PTCRA: variants seen among roughly 807,000 people sequenced by gnomAD.
PTCRA encodes pre T-cell antigen receptor alpha.
PTCRA carries 9 observed loss-of-function variants against 13.4 expected under a neutral mutation model. That is an observed-to-expected ratio of 0.67 (90% confidence interval 0.41 to 1.18). PTCRA has a LOEUF of 1.18. Among genes scored for constraint, PTCRA ranks in the 50% most tolerant of loss-of-function variants. The pLI, the probability that PTCRA is intolerant of heterozygous loss-of-function variation, is 0.01. For synonymous variants in PTCRA, 153 were observed against 161.9 expected (o/e 0.94, Z 0.42); for missense variants, 353 against 359.8 (o/e 0.98, Z 0.15).
At chr6:42,924,672 A>G (rs1328996513) in intron 3 of PTCRA, among the ~76,000 whole-genome samples, 2 of 152,066 alleles carry the variant, frequency 1.3e-5, no homozygotes, top group Admixed American at 1.3e-4. Flanking sequence ...CTGCTTCCCG[A>G]CCAAATAGAG....
intron 1 of PTCRA, 62 bp downstream of exon 1, chr6:42,916,189 C>T: frequency 6.8e-7 from 1 of 1,481,122 alleles, no homozygotes; most frequent in East Asian, 2.3e-5. Flanking sequence ...CATCCCCTCA[C>T]TCTGGACCTC....
rs370023516 is a variant in PTCRA at position 42,916,157 on chromosome 6, C to A, written c.58+30C>A. On this transcript the variant is annotated intron_variant, in intron 1 of 3. Coordinates refer to ENST00000304672, the MANE Select transcript of PTCRA (RefSeq NM_138296.3). ...GCCCCCTCTTTGCCTTCCTCTCTGTCCCTCCTCAGTCTGCCGAAGCCCATC... is the reference window on the plus strand; with the variant it reads ...GCCCCCTCTTTGCCTTCCTCTCTGTACCTCCTCAGTCTGCCGAAGCCCATC... 2.3e-5 allele frequency: 37 copies of A among 1,607,612 alleles called. No individual in the cohort carries two copies. The African/African-American group carries it at 4.3e-4, about 19-fold the overall frequency.
Position 42,922,911 on chromosome 6 carries a change from T to C in PTCRA, c.59-116T>C, listed in dbSNP as rs369753574. 4.4e-4 allele frequency: 416 copies of C among 940,332 alleles called. 5 individuals are homozygous for C. The South Asian group carries it at 5.3e-3, about 12-fold the overall frequency. 58.2% of individuals were successfully genotyped at this position (940,332 alleles called of 1,614,324 possible). A position where few individuals can be genotyped will look rare whatever the true frequency, so the allele number is the denominator to read the frequency against. Reference sequence around the variant, plus strand: ...GTGGCTAGAAGGACATGTAGATGGATGGTGGAAGGATGGATGGATGGAAAG... The same window carrying C: ...GTGGCTAGAAGGACATGTAGATGGACGGTGGAAGGATGGATGGATGGAAAG... On this transcript the variant is annotated intron_variant, in intron 1 of 3. Transcript: ENST00000304672.
At chr6:42,918,417 G>A (rs1562525948) in intron 1 of PTCRA, among the ~76,000 whole-genome samples, 1 of 151,664 alleles carries the variant, frequency 6.6e-6, no homozygotes, top group Non-Finnish European at 1.5e-5. Flanking sequence ...AGCCACGCGT[G>A]GTGGTAGGTG....
At position 42,925,547 on chromosome 6, in the gene PTCRA, G is replaced by A. The variant is rs1354200340; in HGVS notation, c.711G>A (p.Gly237=). 6 of 1,593,538 alleles carry A rather than the reference G, an allele frequency of 3.8e-6. No individual in the cohort carries two copies. In the South Asian group the frequency reaches 5.7e-5, roughly 15 times the overall value. Reference sequence around the variant, plus strand: ...CCGGGAGCCCAGTATGGGGGGAAGGGTCTTACCTCAGCAGTTACCCCACTT... The same window carrying A: ...CCGGGAGCCCAGTATGGGGGGAAGGATCTTACCTCAGCAGTTACCCCACTT... ...RKPGSPVWGE[G]SYLSSYPTCP... Residue 237 remains glycine (G), a synonymous_variant, in exon 4 of 4, where the codon GGG becomes GGA. Coordinates refer to ENST00000304672, the MANE Select transcript of PTCRA (RefSeq NM_138296.3). The surrounding 1 kb of genome is among the most constrained non-coding windows in gnomAD (Gnocchi z 4.4).
rs150508492 is a variant in PTCRA at position 42,923,278 on chromosome 6, C to G, written c.310C>G (p.Pro104Ala). The G allele has an allele frequency of 1.2e-6, 2 of 1,614,208 alleles. No individual in the cohort carries two copies. The highest frequency in any genetic ancestry group is 1.7e-6 in the Non-Finnish European group (2 of 1,180,020). Residue 104 changes from proline (P) to alanine (A), a missense_variant, in exon 2 of 4, where the codon CCT becomes GCT. By Grantham distance (27) the Pro-to-Ala change is conservative. Transcript: ENST00000304672. The stretch of plus-strand genomic sequence containing the variant: ...TTCTGAGGAGCTGGCATCCTGGGAG[C>G]CTTTGGTCTGCCACACTGGGCCTGG... Reference protein sequence around the residue: ...LPSEELASWEPLVCHTGPGAE... With the variant: ...LPSEELASWEALVCHTGPGAE...
chr6:42,916,798 G>T (rs1766895302), intron 1 of PTCRA, among the ~76,000 whole-genome samples: 2 of 152,258 alleles, frequency 1.3e-5, no homozygotes, highest in South Asian at 2.1e-4. Context: ...GAGTCAGGGG[G>T]GTCTCCTTGA....
rs746183695 is a variant in PTCRA, at chr6:42,925,608, A to G, written c.772A>G (p.Arg258Gly). The G allele has an allele frequency of 2.1e-5, 34 of 1,589,736 alleles. No individual in the cohort carries two copies. The highest frequency in any genetic ancestry group is 2.8e-5 in the Non-Finnish European group (33 of 1,168,248). ...AQAWCSRSALRAPSSSLGAFF... is the reference protein window; with the variant it reads ...AQAWCSRSALGAPSSSLGAFF... Reference sequence around the variant, plus strand: ...GGCCTGGTGCTCAAGATCTGCCCTCAGGGCTCCTTCCTCCAGTCTTGGAGC... The same window carrying G: ...GGCCTGGTGCTCAAGATCTGCCCTCGGGGCTCCTTCCTCCAGTCTTGGAGC... Residue 258 changes from arginine (R) to glycine (G), a missense_variant, in exon 4 of 4, where the codon AGG (arginine) becomes GGG (glycine). Coordinates refer to ENST00000304672, the MANE Select transcript of PTCRA (RefSeq NM_138296.3). The surrounding 1 kb of genome is among the most constrained non-coding windows in gnomAD (Gnocchi z 4.4).
chr6:42,920,298 C>T (rs1299782025), intron 1 of PTCRA, among the ~76,000 whole-genome samples: 3 of 149,104 alleles, frequency 2.0e-5, no homozygotes, highest in Non-Finnish European at 4.4e-5. Context: ...TGAGCCTGGG[C>T]GACAGAGAGA....
chr6:42,917,229 T>TTATTATTATTA (rs879847725), intron 1 of PTCRA, among the ~76,000 whole-genome samples: 15 of 137,320 alleles, frequency 1.1e-4, no homozygotes, highest in African/African-American at 4.0e-4. Flanking sequence ...ATTATTATTA[T>TTATTATTATTA]TATTTATTTT....
intron 1 of PTCRA, among the ~76,000 whole-genome samples, chr6:42,918,647 A>G (rs1208630550): frequency 6.6e-6 from 1 of 152,162 alleles, no homozygotes; most frequent in East Asian, 1.9e-4. Flanking sequence ...GTCTGAAGCT[A>G]TGTCCTAGAC....
At chr6:42,918,909 C>T (rs1353407676) in intron 1 of PTCRA, among the ~76,000 whole-genome samples, 18 of 151,776 alleles carry the variant, frequency 1.2e-4, no homozygotes, top group Non-Finnish European at 2.9e-5. Flanking sequence ...CCTGCCTCAG[C>T]CTCCCGAGTA....
At chr6:42,921,344 G>A (rs926023426) in intron 1 of PTCRA, among the ~76,000 whole-genome samples, 4 of 146,088 alleles carry the variant, frequency 2.7e-5, no homozygotes, top group Admixed American at 6.9e-5. Context: ...TCAGGTGATC[G>A]CCCTGCCTCA....
chr6:42,916,250 C>G (rs1004508781), intron 1 of PTCRA, 123 bp downstream of exon 1: 2 of 978,684 alleles, frequency 2.0e-6, no homozygotes, highest in Admixed American at 2.2e-5. Context: ...ATTTAGGGAC[C>G]TCTGGGGAGG....
intron 1 of PTCRA, 149 bp downstream of exon 1, chr6:42,916,276 G>A (rs1350658997): frequency 2.8e-6 from 2 of 723,160 alleles, no homozygotes; most frequent in East Asian, 2.8e-5. Context: ...TCTGGGGAGG[G>A]GACCTCTGGG....
intron 1 of PTCRA, among the ~76,000 whole-genome samples, chr6:42,921,684 G>A (rs1334695685): frequency 6.8e-6 from 1 of 146,594 alleles, no homozygotes; most frequent in East Asian, 2.1e-4. Context: ...CCGAAGTGCT[G>A]GGATTACAGG....
chr6:42,923,197 G>A lies in PTCRA; in HGVS notation c.229G>A (p.Gly77Ser), dbSNP rs1205019853. Residue 77 changes from glycine to serine, a missense_variant, in exon 2 of 4, where the codon GGC becomes AGC. By Grantham distance (56) the Gly-to-Ser change is moderately conservative (BLOSUM62 0). Coordinates refer to ENST00000304672, the MANE Select transcript of PTCRA (RefSeq NM_138296.3). ...NGSALDAFTY[G>S]PSPATDGTWT... is the part of the protein sequence containing the mutation. ...CAGTGCACTGGATGCCTTCACCTAT[G>A]GCCCTTCCCCAGCAACGGATGGCAC... 1 of 1,614,244 alleles carries A rather than the reference G, an allele frequency of 6.2e-7. No individual in the cohort carries two copies. The highest frequency in any genetic ancestry group is 2.2e-5 in the East Asian group (1 of 44,890).
chr6:42,924,182 T>C (rs747056275), intron 2 of PTCRA, 47 bp from the exon 3 acceptor site: 1 of 1,546,110 alleles, frequency 6.5e-7, no homozygotes, highest in Non-Finnish European at 8.8e-7. Flanking sequence ...CCCTCCAGAG[T>C]GCATGGCCCA....
In PTCRA at chr6:42,923,173, A is replaced by G; in HGVS notation, c.205A>G (p.Ser69Gly). ...CATCTGGTTCTCAGCCGGCAATGGC[A>G]GTGCACTGGATGCCTTCACCTATGG... ...SPIWFSAGNG[S>G]ALDAFTYGPS... is the part of the protein sequence containing the mutation. The change falls in exon 2 of 4, where the codon AGT becomes GGT. Residue 69 changes from serine to glycine, a missense_variant. Physicochemically the swap from Ser to Gly is moderately conservative, Grantham distance 56. Coordinates refer to ENST00000304672, the MANE Select transcript of PTCRA (RefSeq NM_138296.3). 2 of 1,614,230 alleles carry G rather than the reference A, an allele frequency of 1.2e-6. No homozygotes were observed. The highest frequency in any genetic ancestry group is 1.6e-4 in the Middle Eastern group (1 of 6,062).
Sources: gnomAD v4.1 joint callset for allele counts (sites outside exome capture counted in the v4.1 genomes callset) on GRCh38, gnomAD v4.1.1 for gene constraint, Gnocchi (gnomAD v3.1) non-coding constraint, MANE v1.5 for transcripts, NCBI Gene and HGNC (gene_info 2026-07-23, HGNC 2026-07-21) for gene names.